Variants in EVL observed in about 807,000 individuals in gnomAD.
The protein encoded by EVL is ena/VASP-like protein.
Under a neutral mutation model 59.6 loss-of-function variants are expected in EVL, and 21 were observed. That is an observed-to-expected ratio of 0.35 (90% CI 0.25 to 0.51). The LOEUF is 0.51. Ranked by LOEUF, EVL falls within the 20% of genes least tolerant of loss-of-function variation. The pLI, the probability that EVL is intolerant of heterozygous loss-of-function variation, is 0.97. For synonymous variants in EVL, 198 were observed against 203.5 expected, an observed-to-expected ratio of 0.97 and a Z score of 0.23; for missense variants, 462 against 546.6, an observed-to-expected ratio of 0.85 and a Z score of 1.54.
intron 3 of EVL, among the ~76,000 whole-genome samples, chr14:100,119,479 G>A (rs1051906168): frequency 7.2e-5 from 11 of 152,180 alleles, no homozygotes; most frequent in African/African-American, 1.7e-4. Flanking sequence ...TCAGGGGGCC[G>A]TGGTGGAACC....
rs529948281 is a variant in EVL, at chr14:100,097,737, G to T, written c.358+79G>T. 48 of 1,373,924 alleles carry T rather than the reference G, an allele frequency of 3.5e-5. No individual in the cohort carries two copies. The East Asian group carries it at 1.1e-3, about 32-fold the overall frequency. 85.1% of individuals were successfully genotyped at this position (1,373,924 alleles called of 1,614,324 possible). On this transcript the variant is annotated intron_variant, in intron 3 of 13. Coordinates refer to ENST00000392920, the MANE Select transcript of EVL (RefSeq NM_016337.3). ...TGCCCTCCCACAGCTCTGGCTCTCC[G>T]GGTATCCTAGCACTGTCACTGCATT... is the stretch of plus-strand genomic sequence containing the variant.
intron 1 of EVL, among the ~76,000 whole-genome samples, chr14:100,080,744 G>C (rs2062281571): frequency 6.6e-6 from 1 of 152,112 alleles, no homozygotes; most frequent in African/African-American, 2.4e-5. Flanking sequence ...TAGATCCCAG[G>C]GGGGAAAGAA....
chr14:100,016,549 C>T (rs2061052025), intron 1 of EVL, among the ~76,000 whole-genome samples: 1 of 152,264 alleles, frequency 6.6e-6, no homozygotes, highest in Non-Finnish European at 1.5e-5. Context: ...AAACGTCCGG[C>T]CTGGGCAAAA....
chr14:100,021,748 A>G (rs541058965), intron 1 of EVL, among the ~76,000 whole-genome samples: 2 of 152,316 alleles, frequency 1.3e-5, no homozygotes, highest in East Asian at 3.9e-4. Flanking sequence ...TGGAGACCAG[A>G]CTTAACAACC....
intron 1 of EVL, among the ~76,000 whole-genome samples, chr14:100,047,391 G>A (rs1413822402): frequency 6.6e-6 from 1 of 152,034 alleles, no homozygotes. Flanking sequence ...CAAGCACAGA[G>A]CCTGGTTCTA....
chr14:100,058,963 G>A (rs765057929), intron 1 of EVL, among the ~76,000 whole-genome samples: 1 of 152,216 alleles, frequency 6.6e-6, no homozygotes, highest in Non-Finnish European at 1.5e-5. Context: ...GTGAAGGACA[G>A]AGGAAATGAG....
chr14:99,990,326 C>G (rs938124199), intron 1 of EVL, among the ~76,000 whole-genome samples: 1 of 152,186 alleles, frequency 6.6e-6, no homozygotes, highest in Non-Finnish European at 1.5e-5. Context: ...CCAGTGTTCG[C>G]TCTTTTTTAA....
intron 1 of EVL, among the ~76,000 whole-genome samples, chr14:100,038,792 G>GTGTGTGTGTGTA (rs1243599626): frequency 2.0e-5 from 3 of 151,762 alleles, no homozygotes. Context: ...GTGTGTGTGT[G>GTGTGTGTGTGTA]TGTGTGTGTG....
chr14:100,073,011 A>G lies in EVL; in HGVS notation c.11+7500A>G, dbSNP rs138881042. On this transcript the variant is annotated intron_variant, in intron 1 of 13. Coordinates refer to ENST00000392920, the MANE Select transcript of EVL (RefSeq NM_016337.3). ...AGAAAATCACTGCAGAATGTTTTTC[A>G]GTTCTGATGCGGCTGTGATTTCAAG... Among the ~76,000 whole-genome samples the G allele has an allele frequency of 2.0e-4, 31 of 152,218 alleles. No individual in the cohort carries two copies. In the East Asian group the frequency reaches 6.0e-3, roughly 29 times the overall value.
chr14:100,087,051 G>A (rs1272756563), intron 2 of EVL, among the ~76,000 whole-genome samples: 1 of 152,138 alleles, frequency 6.6e-6, no homozygotes, highest in Non-Finnish European at 1.5e-5. Context: ...AAAGATTCCT[G>A]GTTTTATAAC....
upstream of EVL, among the ~76,000 whole-genome samples, chr14:100,063,079 C>A (rs1205482559): frequency 6.6e-6 from 1 of 152,184 alleles, no homozygotes; most frequent in Non-Finnish European, 1.5e-5. Flanking sequence ...GCCTGGGTGA[C>A]AGCAAGAGAC....
intron 12 of EVL, 85 bp downstream of exon 12, chr14:100,141,331 G>A (rs1183877258): frequency 2.7e-6 from 4 of 1,456,482 alleles, no homozygotes; most frequent in Non-Finnish European, 3.8e-6. Context: ...GGCCAGGCAG[G>A]CCCTGGGGGC....
chr14:100,126,661 C>T (rs1361998573), intron 4 of EVL, 46 bp from the exon 5 acceptor site: 4 of 1,607,030 alleles, frequency 2.5e-6, no homozygotes, highest in Non-Finnish European at 3.4e-6. Flanking sequence ...GTGTGGTGGT[C>T]TCCAGAGTGG....
rs1889360411 is a variant in EVL, at chr14:100,143,825, C to T, written c.*87C>T. 21 of 1,506,186 alleles carry T rather than the reference C, an allele frequency of 1.4e-5. No homozygotes were observed. The South Asian group carries it at 2.4e-4, about 17-fold the overall frequency. 93.3% of individuals were successfully genotyped at this position (1,506,186 alleles called of 1,614,324 possible). On this transcript the variant is annotated 3_prime_UTR_variant, in exon 14 of 14. Coordinates refer to ENST00000392920, the MANE Select transcript of EVL (RefSeq NM_016337.3). ...CCAGCCAGCCCCAGACTCCAGTGCA[C>T]CAGAGCACGCACAGGAGCCTGGGCG...
intron 3 of EVL, among the ~76,000 whole-genome samples, chr14:100,104,902 C>CTTTTTTTTTT: frequency 1.0e-5 from 1 of 99,524 alleles, no homozygotes; most frequent in Non-Finnish European, 1.9e-5. Context: ...CCTCTCTTTA[C>CTTTTTTTTTT]TTTTTTTTTT....
chr14:100,033,140 C>T (rs955828568), intron 1 of EVL, among the ~76,000 whole-genome samples: 4 of 151,878 alleles, frequency 2.6e-5, no homozygotes, highest in African/African-American at 9.7e-5. Context: ...CTAAAAGGGC[C>T]GAATGGTAGA....
At chr14:100,124,098 C>T (rs575432378) in intron 4 of EVL, among the ~76,000 whole-genome samples, 3 of 152,342 alleles carry the variant, frequency 2.0e-5, no homozygotes, top group African/African-American at 7.2e-5. Flanking sequence ...ATTACAGAGT[C>T]GTGGTGAGTC....
At chr14:100,095,125 A>G (rs1197457875) in intron 2 of EVL, among the ~76,000 whole-genome samples, 1 of 152,206 alleles carries the variant, frequency 6.6e-6, no homozygotes, top group African/African-American at 2.4e-5. Flanking sequence ...TCTAAATTTC[A>G]TTTCCCCAGA....
intron 11 of EVL, 178 bp downstream of exon 11, chr14:100,137,980 T>A: frequency 1.6e-6 from 1 of 634,230 alleles, no homozygotes; most frequent in Admixed American, 2.8e-5. Context: ...AGCTGCTCCG[T>A]CTTTTCCCTC....
Sources: gnomAD v4.1 joint callset for allele counts (sites outside exome capture counted in the v4.1 genomes callset) on GRCh38, gnomAD v4.1.1 for gene constraint, MANE v1.5 for transcripts, NCBI Gene and HGNC (gene_info 2026-07-23, HGNC 2026-07-21) for gene names.